TANC1: variants seen among roughly 807,000 people sequenced by gnomAD.
The protein encoded by TANC1 is protein TANC1.
Under a neutral mutation model 149.7 loss-of-function variants are expected in TANC1, and 77 were observed. That is an observed-to-expected ratio of 0.51 (90% CI 0.43 to 0.62). The LOEUF is 0.62. Ranked by LOEUF, TANC1 falls within the 20% of genes least tolerant of loss-of-function variation. The pLI is 0.00. For missense variants in TANC1, 1,985 were observed against 2,321.8 expected, an observed-to-expected ratio of 0.85 and a Z score of 2.98; for synonymous variants, 854 against 925.0, an observed-to-expected ratio of 0.92 and a Z score of 1.39.
chr2:159,150,881 G>T (rs2052722196), intron 7 of TANC1: 1 of 232,124 alleles, frequency 4.3e-6, no homozygotes, highest in African/African-American at 2.3e-5. Flanking sequence ...GTCCCACTGG[G>T]GCACACAGCA....
intron 4 of TANC1, among the ~76,000 whole-genome samples, chr2:159,105,902 A>G (rs575856418): frequency 1.4e-3 from 215 of 152,120 alleles, no homozygotes; most frequent in African/African-American, 4.6e-3. Context: ...TTATTCTACT[A>G]GGACAATATG....
chr2:159,093,085 C>T (rs1293088999), intron 3 of TANC1, among the ~76,000 whole-genome samples: 1 of 152,138 alleles, frequency 6.6e-6, no homozygotes, highest in East Asian at 1.9e-4. Context: ...GTAAATGTTC[C>T]AATGGAAACA....
At chr2:159,041,525 G>A (rs2040629321) in intron 2 of TANC1, among the ~76,000 whole-genome samples, 1 of 152,208 alleles carries the variant, frequency 6.6e-6, no homozygotes, top group Non-Finnish European at 1.5e-5. Context: ...CTGCCACCTT[G>A]CAGCTCGATC....
rs375627626 is a variant in TANC1 at position 159,229,564 on chromosome 2, A to G, written c.4152-14A>G. ...TGTGTGGTTTGTAATGTTACCTTAC[A>G]TTTTCCTACAAAGGCAATTCGTGGC... On this transcript the variant is annotated splice_polypyrimidine_tract_variant and intron_variant, in intron 26 of 26. Transcript: ENST00000263635. 53 of 1,601,050 alleles carry G rather than the reference A, an allele frequency of 3.3e-5. No homozygotes were observed. The African/African-American group carries it at 5.0e-4, about 15-fold the overall frequency.
At chr2:159,011,860 G>A (rs1244015702) in intron 2 of TANC1, among the ~76,000 whole-genome samples, 1 of 152,212 alleles carries the variant, frequency 6.6e-6, no homozygotes, top group African/African-American at 2.4e-5. Context: ...GGGCCATCAA[G>A]GCTTCCCATG....
At chr2:159,119,396 T>C (rs1407293127) in intron 4 of TANC1, among the ~76,000 whole-genome samples, 2 of 152,192 alleles carry the variant, frequency 1.3e-5, no homozygotes, top group African/African-American at 2.4e-5. Context: ...CCTGATTGAC[T>C]GTTAGCAGGT....
rs1221856369 is a variant in TANC1 at position 159,001,565 on chromosome 2, G to C, written c.-16+376G>C. ...AATAAAAACGTGGTGGAGGGAGGGA[G>C]TAATAATCACTACCATTTATGAAAC... On this transcript the variant is annotated intron_variant, in intron 2 of 26. Transcript: ENST00000263635. This position sits in a 1 kb window ranked among gnomAD's most constrained non-coding sequence, Gnocchi z 4.3. Among the ~76,000 whole-genome samples the C allele has an allele frequency of 2.6e-5, 4 of 151,198 alleles. No homozygotes were observed. The highest frequency in any genetic ancestry group is 3.0e-5 in the Non-Finnish European group (2 of 67,628).
At chr2:159,209,411 A>C (rs2058840373) in intron 19 of TANC1, among the ~76,000 whole-genome samples, 1 of 152,218 alleles carries the variant, frequency 6.6e-6, no homozygotes, top group East Asian at 1.9e-4. Flanking sequence ...AACAAAGAAC[A>C]CAGTGAAGCT....
At chr2:158,996,767 C>G (rs1278079371) in intron 1 of TANC1, among the ~76,000 whole-genome samples, 3 of 152,028 alleles carry the variant, frequency 2.0e-5, no homozygotes, top group Admixed American at 1.3e-4. Flanking sequence ...CAGGGATACA[C>G]GTAGACATAA....
chr2:159,085,111 GTCAGAGT>G (rs942483841), intron 3 of TANC1, among the ~76,000 whole-genome samples: 15 of 152,226 alleles, frequency 9.9e-5, no homozygotes, highest in African/African-American at 3.6e-4. Context: ...CCTGCAACAA[GTCAGAGT>G]TCTTGCTCTG....
chr2:159,225,724 A>G lies in TANC1; in HGVS notation c.3848A>G (p.Asp1283Gly), dbSNP rs750657040. Residue 1283 changes from aspartate to glycine, a missense_variant, in exon 24 of 27, where the codon GAT (aspartate) becomes GGT (glycine). Asp to Gly is a moderately conservative substitution (Grantham distance 94). This residue lies in a region of TANC1 where 920 missense variants were observed against 994.7 expected (regional missense o/e 0.92). Transcript: ENST00000263635. ...AAWAMATSKPDILIILLQKLM... is the reference protein window; with the variant it reads ...AAWAMATSKPGILIILLQKLM... Reference sequence around the variant, plus strand: ...TGGGCGATGGCCACTTCCAAACCTGATATCTTGATTATACTTTTACAGAAA... The same window carrying G: ...TGGGCGATGGCCACTTCCAAACCTGGTATCTTGATTATACTTTTACAGAAA... 6.8e-6 allele frequency: 11 copies of G among 1,614,048 alleles called. No homozygotes were observed. The highest frequency in any genetic ancestry group is 2.7e-5 in the African/African-American group (2 of 74,932).
In TANC1 at chr2:159,031,308, T is replaced by C. The variant is rs140098075; in HGVS notation, c.-16+30119T>C. ...GGCAAGGGTTAAGAGGCTTCAGCTGTGGGGAAGGAAGGGCCATGGACACTG... is the reference window on the plus strand; with the variant it reads ...GGCAAGGGTTAAGAGGCTTCAGCTGCGGGGAAGGAAGGGCCATGGACACTG... On this transcript the variant is annotated intron_variant, in intron 2 of 26. Transcript: ENST00000263635. Among the ~76,000 whole-genome samples the C allele has an allele frequency of 4.5e-3, 685 of 152,186 alleles. 5 individuals are homozygous for C. Among genetic ancestry groups the C allele is most frequent in the African/African-American group, 0.015 (639 of 41,544 alleles).
chr2:159,225,565 C>T (rs2059973695), intron 23 of TANC1, 123 bp from the exon 24 acceptor site: 1 of 725,570 alleles, frequency 1.4e-6, no homozygotes, highest in Non-Finnish European at 2.5e-6. Context: ...CCTCCCTCAT[C>T]GTGCTGTGGT....
chr2:159,023,179 G>A lies in TANC1; in HGVS notation c.-16+21990G>A, dbSNP rs144251605. ...AGTAACCCTACATTGCTTTTTTTGT[G>A]TGTGGTCTTGGGGAGTGACTAGGAG... On this transcript the variant is annotated intron_variant, in intron 2 of 26. Coordinates refer to ENST00000263635, the MANE Select transcript of TANC1 (RefSeq NM_033394.3). Among the ~76,000 whole-genome samples, 1,054 of 152,064 alleles carry A rather than the reference G, an allele frequency of 6.9e-3. 13 individuals carry two copies. Among genetic ancestry groups the A allele is most frequent in the Non-Finnish European group, 0.01 (713 of 67,956 alleles).
chr2:159,169,418 G>T, intron 9 of TANC1, 46 bp downstream of exon 9: 1 of 1,595,824 alleles, frequency 6.3e-7, no homozygotes, highest in East Asian at 2.2e-5. Flanking sequence ...GACTAACTCA[G>T]TCAGTAACTT....
rs773421557 is a variant in TANC1, at chr2:159,179,173, G to A, written c.2510+10G>A. Reference sequence around the variant, plus strand: ...TCCTGTGTGAGCCCAGGTACGGCAGGCGCTTTCTTTCAGCTCTTTGCAGGG... The same window carrying A: ...TCCTGTGTGAGCCCAGGTACGGCAGACGCTTTCTTTCAGCTCTTTGCAGGG... On this transcript the variant is annotated intron_variant, in intron 14 of 26. Coordinates refer to ENST00000263635, the MANE Select transcript of TANC1 (RefSeq NM_033394.3). The A allele has an allele frequency of 2.3e-5, 37 of 1,599,432 alleles. No homozygotes were observed. In the East Asian group the frequency reaches 7.8e-4, roughly 34 times the overall value.
In TANC1 at chr2:159,219,975, AGAGTGTGT is replaced by A. The variant is rs1382561342; in HGVS notation, c.3678+110_3678+117del. ...TGAGGTTGTGTCTCAGTGTCATCAG[AGAGTGTGT>A]GTGTGTGTGTGTGTGTGTGTGTGTG... On this transcript the variant is annotated intron_variant, in intron 22 of 26. Transcript: ENST00000263635. 5.1e-4 allele frequency: 382 copies of A among 747,800 alleles called. 11 individuals carry two copies. The highest frequency in any genetic ancestry group is 9.3e-4 in the African/African-American group (45 of 48,276). The allele number at this position is 747,800 out of a possible 1,614,324, so 46.3% of individuals were successfully genotyped here. A position where few individuals can be genotyped will look rare whatever the true frequency, so the allele number is the denominator to read the frequency against.
intron 2 of TANC1, among the ~76,000 whole-genome samples, chr2:159,046,746 G>A (rs963913093): frequency 2.0e-5 from 3 of 151,010 alleles, no homozygotes; most frequent in East Asian, 3.9e-4. Context: ...GAGTACAGGC[G>A]CGAGGCACCA....
chr2:159,224,324 AT>A lies in TANC1; in HGVS notation c.3772del (p.Ser1258LeufsTer2). On this transcript the variant is annotated frameshift_variant, in exon 23 of 27. Transcript: ENST00000263635. LOFTEE classifies it high-confidence loss of function. The part of the protein sequence containing the change: ...LDRAIGCRNT[S>X]VVVALLRKGA... ...ACAGAGCCATCGGCTGCCGGAACAC[AT>A]CTGTAGTGGTGGCGCTACTCAGAAA... 1 of 1,614,188 alleles carries A rather than the reference AT, an allele frequency of 6.2e-7. No individual in the cohort carries two copies. Among genetic ancestry groups the A allele is most frequent in the Non-Finnish European group, 8.5e-7 (1 of 1,180,038 alleles).
Sources: gnomAD v4.1 joint callset for allele counts (sites outside exome capture counted in the v4.1 genomes callset) on GRCh38, gnomAD v4.1.1 for gene constraint, gnomAD v4.1.1 regional missense constraint, Gnocchi (gnomAD v3.1) non-coding constraint, MANE v1.5 for transcripts, NCBI Gene and HGNC (gene_info 2026-07-23, HGNC 2026-07-21) for gene names.